The following CD160 variants were observed in gnomAD, a reference collection of about 807,000 sequenced individuals.
CD160 encodes the protein CD160 antigen.
CD160 carries 11 observed loss-of-function variants against 19.2 expected under a neutral mutation model. That is an observed-to-expected ratio of 0.57 (90% CI 0.36 to 0.95). The LOEUF (loss-of-function observed/expected upper bound fraction) is 0.95. CD160 is among the 40% of genes least tolerant of loss of function. CD160 has a pLI of 0.01. For synonymous variants in CD160, 75 were observed against 81.1 expected (o/e 0.93, Z 0.40); for missense variants, 182 against 213.2 (o/e 0.85, Z 0.91).
intron 3 of CD160, among the ~76,000 whole-genome samples, chr1:145,729,309 CTATG>C (rs1657189146): frequency 6.6e-6 from 1 of 152,038 alleles, no homozygotes. Context: ...ATTTAGTTTA[CTATG>C]TATACCAAGG....
chr1:145,733,845 C>T (rs1392894746), intron 4 of CD160, among the ~76,000 whole-genome samples: 10 of 152,116 alleles, frequency 6.6e-5, no homozygotes, highest in Non-Finnish European at 1.3e-4. Context: ...TTCTCATCTA[C>T]CCACGATTTA....
chr1:145,728,673 T>C (rs1232848414), intron 3 of CD160, among the ~76,000 whole-genome samples: 1 of 151,952 alleles, frequency 6.6e-6, no homozygotes, highest in Non-Finnish European at 1.5e-5. Context: ...CCGGCTAATT[T>C]TTGTATTTTT....
chr1:145,721,687 G>T (rs1656855397), intron 1 of CD160, among the ~76,000 whole-genome samples: 1 of 152,056 alleles, frequency 6.6e-6, no homozygotes, highest in Non-Finnish European at 1.5e-5. Context: ...ACATTCCACA[G>T]CTACCTAGTG....
At chr1:145,730,664 T>G in intron 3 of CD160, 80 bp from the exon 4 acceptor site, 1 of 1,157,340 alleles carries the variant, frequency 8.6e-7, no homozygotes. Flanking sequence ...CCTTGAAGAC[T>G]TCTAGTGATA....
intron 4 of CD160, among the ~76,000 whole-genome samples, chr1:145,733,916 A>G (rs1657388901): frequency 6.6e-6 from 1 of 152,046 alleles, no homozygotes; most frequent in Admixed American, 6.5e-5. Flanking sequence ...CACCTTTCCT[A>G]AGTTTTAATT....
chr1:145,729,150 A>AT (rs1657181045), intron 3 of CD160, among the ~76,000 whole-genome samples: 1 of 152,134 alleles, frequency 6.6e-6, no homozygotes, highest in Non-Finnish European at 1.5e-5. Flanking sequence ...AATATAAACC[A>AT]TTTTGGAGTG....
intron 4 of CD160, among the ~76,000 whole-genome samples, chr1:145,731,968 G>A (rs1175124760): frequency 5.3e-5 from 8 of 152,174 alleles, no homozygotes; most frequent in African/African-American, 1.9e-4. Flanking sequence ...GTTTCAAACT[G>A]TGAGGCAGCA....
At chr1:145,723,954 A>T (rs1188023514) in intron 1 of CD160, among the ~76,000 whole-genome samples, 2 of 152,160 alleles carry the variant, frequency 1.3e-5, no homozygotes, top group African/African-American at 4.8e-5. Flanking sequence ...TAGCACACTC[A>T]TGCTTTTATT....
At chr1:145,734,044 G>C (rs1657393991) in intron 4 of CD160, among the ~76,000 whole-genome samples, 1 of 152,156 alleles carries the variant, frequency 6.6e-6, no homozygotes, top group African/African-American at 2.4e-5. Context: ...GTCAACTTTG[G>C]TTCCTCCTTT....
chr1:145,731,538 C>T (rs923699885), intron 4 of CD160, among the ~76,000 whole-genome samples: 10 of 152,052 alleles, frequency 6.6e-5, no homozygotes, highest in Admixed American at 3.3e-4. Flanking sequence ...GGTGTGGTGG[C>T]GCATGCCTGT....
chr1:145,727,861 T>C (rs1657113991), intron 2 of CD160, among the ~76,000 whole-genome samples: 1 of 152,094 alleles, frequency 6.6e-6, no homozygotes, highest in Non-Finnish European at 1.5e-5. Context: ...AATGTTAAAG[T>C]ACAGATAATA....
intron 2 of CD160, among the ~76,000 whole-genome samples, chr1:145,726,508 G>A (rs1165551999): frequency 3.3e-5 from 5 of 152,120 alleles, no homozygotes; most frequent in African/African-American, 9.7e-5. Flanking sequence ...GCATGTTCTC[G>A]CTCATAAGTA....
At position 145,731,000 on chromosome 1, in the gene CD160, C is replaced by T. The variant is rs782721882; in HGVS notation, c.330C>T (p.Tyr110=). 3.7e-6 allele frequency: 6 copies of T among 1,614,018 alleles called. No individual in the cohort carries two copies. In the African/African-American group the frequency reaches 6.7e-5, roughly 18 times the overall value. The stretch of plus-strand genomic sequence containing the variant: ...TCACACCGTTGCACAGTGGGACCTA[C>T]CAGTGTTGTGCCAGAAGCCAGAAGT... ...SQVTPLHSGT[Y]QCCARSQKSG... The change falls in exon 4 of 6, where the codon TAC becomes TAT. Residue 110 remains tyrosine (Y), a synonymous_variant. Transcript: ENST00000369288.
In CD160 at chr1:145,730,878, C is replaced by CCTGTTTAAAACAG. The variant is rs587671924; in HGVS notation, c.211_212insTTTAAAACAGCTG (p.Glu71ValfsTer2). The CCTGTTTAAAACAG allele has an allele frequency of 1.2e-4, 195 of 1,614,130 alleles. 2 individuals carry two copies. The African/African-American group carries it at 2.4e-3, about 20-fold the overall frequency. ...CAAGGACAGGTCTGGAGACTGTTCT[C>CCTGTTTAAAACAG]CTGAGACCAGTTTAAAACAGCTGAG... On this transcript the variant is annotated stop_gained and frameshift_variant, in exon 4 of 6. Coordinates refer to ENST00000369288, the MANE Select transcript of CD160 (RefSeq NM_007053.4). LOFTEE classifies it high-confidence loss of function.
In CD160 at chr1:145,728,239, TC is replaced by T; in HGVS notation, c.-72-12del. ...ACCCTGGAAGGCTTTGTCTAGTGGG[TC>T]CCCCTGTGCTTTTAGGAGACTGAAG... On this transcript the variant is annotated splice_polypyrimidine_tract_variant and intron_variant, in intron 2 of 5. Transcript: ENST00000369288. 1.1e-6 allele frequency: 1 copy of T among 894,798 alleles called. No individual in the cohort carries two copies. Among genetic ancestry groups the T allele is most frequent in the East Asian group, 2.5e-5 (1 of 40,426 alleles). The allele number at this position is 894,798 out of a possible 1,614,324, so 55.4% of individuals were successfully genotyped here.
chr1:145,732,844 G>A (rs1006429245), intron 4 of CD160, among the ~76,000 whole-genome samples: 1 of 152,156 alleles, frequency 6.6e-6, no homozygotes, highest in Admixed American at 6.5e-5. Context: ...ATTATTTTTA[G>A]AAGAATGCAG....
chr1:145,722,408 C>G (rs1479864053), intron 1 of CD160, among the ~76,000 whole-genome samples: 3 of 152,116 alleles, frequency 2.0e-5, no homozygotes, highest in African/African-American at 7.2e-5. Flanking sequence ...ACTCTAGAGA[C>G]CATTTAACCA....
intron 1 of CD160, among the ~76,000 whole-genome samples, chr1:145,722,695 C>T (rs1404444744): frequency 6.6e-6 from 1 of 152,186 alleles, no homozygotes; most frequent in Non-Finnish European, 1.5e-5. Context: ...GGGCTCACGC[C>T]ATTCTCCTGC....
chr1:145,721,734 T>C (rs1553707819), intron 1 of CD160, among the ~76,000 whole-genome samples: 2 of 152,080 alleles, frequency 1.3e-5, no homozygotes, highest in African/African-American at 4.8e-5. Context: ...CCTCAGCCCA[T>C]TCCCCACCTT....
Sources: gnomAD v4.1 joint callset for allele counts (sites outside exome capture counted in the v4.1 genomes callset) on GRCh38, gnomAD v4.1.1 for gene constraint, MANE v1.5 for transcripts, NCBI Gene and HGNC (gene_info 2026-07-23, HGNC 2026-07-21) for gene names.